Variants in SLC25A28 observed in about 807,000 individuals in gnomAD.
SLC25A28 encodes solute carrier family 25 member 28, also known as mitoferrin-2.
Under a neutral mutation model 31.9 loss-of-function variants are expected in SLC25A28, and 10 were observed. The ratio of observed to expected loss-of-function variants is 0.31; its 90% confidence interval spans 0.19 to 0.53. The LOEUF (loss-of-function observed/expected upper bound fraction) is 0.53. Among genes scored for constraint, SLC25A28 ranks in the 20% least tolerant of loss-of-function variants. The pLI, the probability that SLC25A28 is intolerant of heterozygous loss-of-function variation, is 0.95. For synonymous variants in SLC25A28, 208 were observed against 203.6 expected (o/e 1.02, Z -0.19); for missense variants, 256 against 490.3 (o/e 0.52, Z 4.51).
At position 99,618,849 on chromosome 10, in the gene SLC25A28, C is replaced by T. The variant is rs1019519174; in HGVS notation, c.291+1196G>A. The T allele has an allele frequency of 1.1e-5, 11 of 985,322 alleles. No homozygotes were observed. In the African/African-American group the frequency reaches 1.4e-4, roughly 13 times the overall value. The allele number at this position is 985,322 out of a possible 1,614,324, so 61.0% of individuals were successfully genotyped here. A position where few individuals can be genotyped will look rare whatever the true frequency, so the allele number is the denominator to read the frequency against. On this transcript the variant is annotated intron_variant, in intron 1 of 3. Transcript: ENST00000370495. ...ACCAAAGGGAAGTAAAAGGGATCTACTTTGCCTTTCCCAAGTTGATTCTCT... is the reference window on the plus strand; with the variant it reads ...ACCAAAGGGAAGTAAAAGGGATCTATTTTGCCTTTCCCAAGTTGATTCTCT...
chr10:99,619,421 C>G, intron 1 of SLC25A28: 1 of 985,404 alleles, frequency 1.0e-6, no homozygotes, highest in Non-Finnish European at 1.2e-6. Flanking sequence ...GGTGGGGTAT[C>G]ATGCTTGCTT....
chr10:99,624,696 G>T (rs552505608), upstream of SLC25A28, among the ~76,000 whole-genome samples: 1 of 152,064 alleles, frequency 6.6e-6, no homozygotes, highest in African/African-American at 2.4e-5. Flanking sequence ...TTAGCCAGGC[G>T]TGGTGGCGTG....
rs1461323443 is a variant in SLC25A28 at position 99,610,987 on chromosome 10, A to G, written c.957T>C (p.Gly319=). 5.6e-6 allele frequency: 9 copies of G among 1,614,134 alleles called. No individual in the cohort carries two copies. The highest frequency in any genetic ancestry group is 6.8e-6 in the Non-Finnish European group (8 of 1,180,022). The change falls in exon 4 of 4, where the codon GGT becomes GGC. Residue 319 remains glycine (G), a synonymous_variant. Coordinates refer to ENST00000370495, the MANE Select transcript of SLC25A28 (RefSeq NM_031212.4). The part of the protein sequence containing the change: ...ASAFRTVYQV[G]GVTAYFRGVQ... ...CCCCTCGGAAATAGGCGGTCACCCCACCTACTTGATATACCGTCCTGAAGG... is the reference window on the plus strand; with the variant it reads ...CCCCTCGGAAATAGGCGGTCACCCCGCCTACTTGATATACCGTCCTGAAGG...
Position 99,613,443 on chromosome 10 carries a change from G to A in SLC25A28, c.520+253C>T. On this transcript the variant is annotated intron_variant, in intron 2 of 3. Transcript: ENST00000370495. The surrounding 1 kb of genome is among the most constrained non-coding windows in gnomAD (Gnocchi z 4.9). Reference sequence around the variant, plus strand: ...GGGCATTAGAAGTTGATGCCAGGGAGATGAGAGGAACAAGTCAAGCTGGTA... The same window carrying A: ...GGGCATTAGAAGTTGATGCCAGGGAAATGAGAGGAACAAGTCAAGCTGGTA... 1 of 1,373,378 alleles carries A rather than the reference G, an allele frequency of 7.3e-7. No individual in the cohort carries two copies. The highest frequency in any genetic ancestry group is 9.4e-7 in the Non-Finnish European group (1 of 1,061,754). The allele number at this position is 1,373,378 out of a possible 1,614,324, so 85.1% of individuals were successfully genotyped here.
chr10:99,638,437 C>T, the SLC25A28 span, among the ~76,000 whole-genome samples: 1 of 151,984 alleles, frequency 6.6e-6, no homozygotes, highest in Non-Finnish European at 1.5e-5. Flanking sequence ...AAGATAATTA[C>T]CTGAGACTTA....
At chr10:99,632,372 T>C in the SLC25A28 span, among the ~76,000 whole-genome samples, 1 of 152,140 alleles carries the variant, frequency 6.6e-6, no homozygotes, top group Non-Finnish European at 1.5e-5. Flanking sequence ...TTGGTATCTG[T>C]GGAGGCTGGC....
chr10:99,652,081 T>C, the SLC25A28 span: 1 of 152,226 alleles, frequency 6.6e-6, no homozygotes, highest in Non-Finnish European at 1.5e-5. Flanking sequence ...TAAGTGATGT[T>C]AGATTTTTTT....
At chr10:99,651,595 T>TTTTC in the SLC25A28 span, among the ~76,000 whole-genome samples, 7 of 12,016 alleles carry the variant, frequency 5.8e-4, no homozygotes, top group South Asian at 4.8e-3. Flanking sequence ...TTTTCTTTTC[T>TTTTC]TTTTTTTTTT....
the SLC25A28 span, among the ~76,000 whole-genome samples, chr10:99,633,705 C>T: frequency 6.7e-6 from 1 of 150,246 alleles, no homozygotes; most frequent in South Asian, 2.1e-4. Flanking sequence ...GACCTATGAG[C>T]CTTCCCTATC....
chr10:99,655,933 C>T, the SLC25A28 span, among the ~76,000 whole-genome samples: 9 of 152,098 alleles, frequency 5.9e-5, no homozygotes, highest in Non-Finnish European at 1.0e-4. Context: ...AGGCTATCAG[C>T]GGGATCTCCC....
chr10:99,618,715 A>G (rs1262104329), intron 1 of SLC25A28: 7 of 985,288 alleles, frequency 7.1e-6, no homozygotes, highest in South Asian at 9.4e-5. Flanking sequence ...GTTAGGAGTT[A>G]CCTTGTGTTA....
chr10:99,613,963 C>A lies in SLC25A28; in HGVS notation c.292-39G>T. 1 of 1,534,942 alleles carries A rather than the reference C, an allele frequency of 6.5e-7. No individual in the cohort carries two copies. Among genetic ancestry groups the A allele is most frequent in the Non-Finnish European group, 8.8e-7 (1 of 1,139,130 alleles). On this transcript the variant is annotated intron_variant, in intron 1 of 3. Coordinates refer to ENST00000370495, the MANE Select transcript of SLC25A28 (RefSeq NM_031212.4). This position sits in a 1 kb window ranked among gnomAD's most constrained non-coding sequence, Gnocchi z 4.9. The stretch of plus-strand genomic sequence containing the variant: ...AAGGAGAAGCGCAATGTCAGCAATG[C>A]CAACTTCTCGCCCCACCTCAACACA...
chr10:99,649,158 C>G, the SLC25A28 span, among the ~76,000 whole-genome samples: 2 of 152,198 alleles, frequency 1.3e-5, no homozygotes, highest in East Asian at 1.9e-4. Flanking sequence ...GGATTTTTAT[C>G]ATGAAGGGAT....
At chr10:99,631,648 T>G in the SLC25A28 span, among the ~76,000 whole-genome samples, 1 of 152,042 alleles carries the variant, frequency 6.6e-6, no homozygotes, top group African/African-American at 2.4e-5. Flanking sequence ...ATCTTTGCTT[T>G]GGTCATGACT....
chr10:99,654,747 A>T, the SLC25A28 span, among the ~76,000 whole-genome samples: 2 of 152,158 alleles, frequency 1.3e-5, no homozygotes, highest in African/African-American at 2.4e-5. Flanking sequence ...AAATTTTTTT[A>T]AAAAAGAAAT....
chr10:99,644,615 T>G, the SLC25A28 span, among the ~76,000 whole-genome samples: 2 of 152,228 alleles, frequency 1.3e-5, no homozygotes. Flanking sequence ...AGCTGGTTAT[T>G]TTGCTCGTTA....
chr10:99,620,429 C>G lies in SLC25A28; in HGVS notation c.-94G>C, dbSNP rs954340553. The G allele has an allele frequency of 2.9e-6, 3 of 1,046,786 alleles. No individual in the cohort carries two copies. Among genetic ancestry groups the G allele is most frequent in the Non-Finnish European group, 3.4e-6 (3 of 870,680 alleles). 64.8% of individuals were successfully genotyped at this position (1,046,786 alleles called of 1,614,324 possible). ...CCGTAGTGTCCGCCTCAGGCGCGGC[C>G]CAGAGAGCCCGGGGCCTCCGGCTCC... On this transcript the variant is annotated 5_prime_UTR_variant, in exon 1 of 4. Coordinates refer to ENST00000370495, the MANE Select transcript of SLC25A28 (RefSeq NM_031212.4).
chr10:99,645,601 C>T, the SLC25A28 span, among the ~76,000 whole-genome samples: 71 of 152,310 alleles, frequency 4.7e-4, no homozygotes, highest in Admixed American at 1.2e-3. Flanking sequence ...CCATTGCTGG[C>T]GAGGAGCTGC....
chr10:99,624,032 C>T (rs2034836524), upstream of SLC25A28, among the ~76,000 whole-genome samples: 2 of 151,474 alleles, frequency 1.3e-5, no homozygotes, highest in Admixed American at 6.6e-5. Flanking sequence ...ATTCTTCCTT[C>T]CCTCTCTCCC....
Sources: allele counts gnomAD v4.1 joint callset (sites outside exome capture counted in the v4.1 genomes callset), GRCh38; gene constraint gnomAD v4.1.1; non-coding constraint Gnocchi (gnomAD v3.1); transcripts MANE v1.5; gene names NCBI Gene and HGNC (gene_info 2026-07-23, HGNC 2026-07-21).